HMGCS2: variants seen among roughly 807,000 people sequenced by gnomAD.
The protein encoded by HMGCS2 is 3-hydroxy-3-methylglutaryl-CoA synthase 2.
HMGCS2 carries 50 observed loss-of-function variants against 57.4 expected under a neutral mutation model. That is an observed-to-expected ratio of 0.87 (90% CI 0.69 to 1.10). The LOEUF (loss-of-function observed/expected upper bound fraction) is 1.10, where lower values mean the gene tolerates loss of function less well. Ranked by LOEUF, HMGCS2 falls within the 50% of genes least tolerant of loss-of-function variation. The pLI, the probability that HMGCS2 is intolerant of heterozygous loss-of-function variation, is 0.00. For missense variants in HMGCS2, 627 were observed against 636.5 expected, an observed-to-expected ratio of 0.99 and a Z score of 0.16; for synonymous variants, 254 against 245.1, an observed-to-expected ratio of 1.04 and a Z score of -0.34.
At chr1:119,759,720 C>A (rs1279182407) in intron 3 of HMGCS2, 144 bp downstream of exon 3, 14 of 971,364 alleles carry the variant, frequency 1.4e-5, no homozygotes, top group Non-Finnish European at 2.3e-5. Flanking sequence ...CCCTCTGCTC[C>A]ATAGACCAGC....
intron 1 of HMGCS2, among the ~76,000 whole-genome samples, chr1:119,767,009 G>A (rs1653253103): frequency 6.6e-6 from 1 of 152,058 alleles, no homozygotes; most frequent in Admixed American, 6.6e-5. Flanking sequence ...TCAAGAACAT[G>A]CACCACACCT....
At chr1:119,764,823 T>C (rs1220581750) in intron 1 of HMGCS2, among the ~76,000 whole-genome samples, 197 bp from the exon 2 acceptor site, 1 of 152,262 alleles carries the variant, frequency 6.6e-6, no homozygotes, top group Non-Finnish European at 1.5e-5. Context: ...TTCATCTTTG[T>C]GATATTCTTG....
intron 3 of HMGCS2, 179 bp from the exon 4 acceptor site, chr1:119,759,461 A>C: frequency 1.5e-6 from 1 of 679,762 alleles, no homozygotes; most frequent in Non-Finnish European, 2.6e-6. Flanking sequence ...TGGTATTACA[A>C]AAATGAGATG....
rs756625778 is a variant in HMGCS2 at position 119,757,373 on chromosome 1, T to C, written c.916A>G (p.Lys306Glu). Residue 306 changes from lysine to glutamate, a missense_variant, in exon 5 of 10, where the codon AAG (lysine) becomes GAG (glutamate). By Grantham distance (56) the Lys-to-Glu change is moderately conservative. Transcript: ENST00000369406. ...CGAGCCAGAGACTTCTGGACCATCT[T>C]GCAAAAGGGTGTATGAAAGATCATG... is the stretch of plus-strand genomic sequence containing the variant. Reference protein sequence around the residue: ...QYMIFHTPFCKMVQKSLARLM... With the variant: ...QYMIFHTPFCEMVQKSLARLM... 1 of 1,614,194 alleles carries C rather than the reference T, an allele frequency of 6.2e-7. No homozygotes were observed. The highest frequency in any genetic ancestry group is 8.5e-7 in the Non-Finnish European group (1 of 1,180,042).
chr1:119,764,338 A>G lies in HMGCS2; in HGVS notation c.393T>C (p.Thr131=), dbSNP rs587741129. ...CTTTGGACTTGTCAATGATGGTCTC[A>G]GTGCCTACTTCCAGCCTGCCCACAG... ...WDSVGRLEVG[T]ETIIDKSKAV... is the part of the protein sequence containing the mutation. Residue 131 remains threonine, a synonymous_variant, in exon 2 of 10, where the codon ACT becomes ACC. Coordinates refer to ENST00000369406, the MANE Select transcript of HMGCS2 (RefSeq NM_005518.4). 3 of 1,614,130 alleles carry G rather than the reference A, an allele frequency of 1.9e-6. No individual in the cohort carries two copies. Among genetic ancestry groups the G allele is most frequent in the East Asian group, 2.2e-5 (1 of 44,900 alleles).
chr1:119,764,113 G>T, intron 2 of HMGCS2, 59 bp downstream of exon 2: 2 of 1,508,132 alleles, frequency 1.3e-6, no homozygotes, highest in Non-Finnish European at 1.8e-6. Flanking sequence ...AGCAAAACTG[G>T]TAATATTCAG....
intron 6 of HMGCS2, among the ~76,000 whole-genome samples, chr1:119,754,208 C>G (rs183952201): frequency 6.6e-6 from 1 of 152,186 alleles, no homozygotes; most frequent in Non-Finnish European, 1.5e-5. Flanking sequence ...AGGCACGTAC[C>G]ACCATGCCCA....
intron 4 of HMGCS2, among the ~76,000 whole-genome samples, chr1:119,757,726 G>C (rs1652897988): frequency 6.6e-6 from 1 of 152,196 alleles, no homozygotes; most frequent in Admixed American, 6.5e-5. Context: ...TCATTTGCCA[G>C]AGGAGGAACC....
intron 4 of HMGCS2, among the ~76,000 whole-genome samples, chr1:119,758,094 G>C (rs904586565): frequency 6.6e-6 from 1 of 152,256 alleles, no homozygotes; most frequent in Non-Finnish European, 1.5e-5. Context: ...ACAAGAGGTA[G>C]CTCTTTATGA....
intron 4 of HMGCS2, 106 bp from the exon 5 acceptor site, chr1:119,757,544 C>A: frequency 6.3e-7 from 1 of 1,574,870 alleles, no homozygotes; most frequent in Admixed American, 1.8e-5. Flanking sequence ...TCCCAGGGAA[C>A]TACTTCCCAC....
rs748155656 is a variant in HMGCS2, at chr1:119,764,252, A to T, written c.479T>A (p.Ile160Lys). 6.2e-7 allele frequency: 1 copy of T among 1,614,208 alleles called. No homozygotes were observed. Among genetic ancestry groups the T allele is most frequent in the Non-Finnish European group, 8.5e-7 (1 of 1,180,036 alleles). Residue 160 changes from isoleucine to lysine, a missense_variant, in exon 2 of 10, where the codon ATA becomes AAA. Coordinates refer to ENST00000369406, the MANE Select transcript of HMGCS2 (RefSeq NM_005518.4). ...QDSGNTDIEG[I>K]DTTNACYGGT... ...ACCGTAGCAGGCATTGGTGGTATCT[A>T]TGCCCTCAATATCAGTATTGCCTGA...
chr1:119,764,699 A>G lies in HMGCS2; in HGVS notation c.105-73T>C, dbSNP rs914679650. On this transcript the variant is annotated intron_variant, in intron 1 of 9. Transcript: ENST00000369406. ...TTTCCTCAAAAGACAGTAACATAGCAATCATTTAATTAATTTTCTATATTT... is the reference window on the plus strand; with the variant it reads ...TTTCCTCAAAAGACAGTAACATAGCGATCATTTAATTAATTTTCTATATTT... 16 of 1,058,740 alleles carry G rather than the reference A, an allele frequency of 1.5e-5. No homozygotes were observed. The African/African-American group carries it at 2.2e-4, about 15-fold the overall frequency. 65.6% of individuals were successfully genotyped at this position (1,058,740 alleles called of 1,614,324 possible).
Position 119,753,411 on chromosome 1 carries a change from AC to A in HMGCS2, c.1188-26del, listed in dbSNP as rs767212029. 61 of 110,434 alleles carry A rather than the reference AC, an allele frequency of 5.5e-4. No homozygotes were observed. In the African/African-American group the frequency reaches 5.7e-3, roughly 10 times the overall value. The allele number at this position is 110,434 out of a possible 1,614,324, so 6.8% of individuals were successfully genotyped here. On this transcript the variant is annotated intron_variant, in intron 6 of 9. Coordinates refer to ENST00000369406, the MANE Select transcript of HMGCS2 (RefSeq NM_005518.4). ...GCTGTGGGGAAAGAAATCAAATAAA[AC>A]ACACACACACACACACACACACACA... is the stretch of plus-strand genomic sequence containing the variant.
At chr1:119,764,111 T>C in intron 2 of HMGCS2, 61 bp downstream of exon 2, 1 of 1,496,760 alleles carries the variant, frequency 6.7e-7, no homozygotes. Context: ...AAAGCAAAAC[T>C]GGTAATATTC....
intron 5 of HMGCS2, 37 bp from the exon 6 acceptor site, chr1:119,755,634 G>A (rs1352883081): frequency 1.2e-6 from 2 of 1,605,356 alleles, no homozygotes; most frequent in East Asian, 4.5e-5. Flanking sequence ...TGAGAGGCCA[G>A]GGGACGGGAG....
Position 119,762,269 on chromosome 1 carries a change from T to C in HMGCS2, c.559+1903A>G, listed in dbSNP as rs587732167. Among the ~76,000 whole-genome samples the C allele has an allele frequency of 2.0e-5, 3 of 152,334 alleles. No homozygotes were observed. The East Asian group carries it at 5.8e-4, about 29-fold the overall frequency. On this transcript the variant is annotated intron_variant, in intron 2 of 9. Coordinates refer to ENST00000369406, the MANE Select transcript of HMGCS2 (RefSeq NM_005518.4). ...GGAATATTTTGTACAATGTTTAAAA[T>C]GGAATAGATATGTGTATACTTGCAG...
intron 2 of HMGCS2, among the ~76,000 whole-genome samples, chr1:119,762,077 A>G (rs1653063831): frequency 6.6e-6 from 1 of 152,224 alleles, no homozygotes; most frequent in African/African-American, 2.4e-5. Context: ...CTATTGTACA[A>G]TGTTCATTAA....
intron 9 of HMGCS2, among the ~76,000 whole-genome samples, 199 bp from the exon 10 acceptor site, chr1:119,749,040 T>A (rs1652552263): frequency 1.3e-5 from 2 of 152,084 alleles, no homozygotes; most frequent in East Asian, 1.9e-4. Context: ...AGGCTGGGGG[T>A]AGGCAGGGTC....
At chr1:119,760,043 G>C in intron 2 of HMGCS2, 54 bp from the exon 3 acceptor site, 1 of 1,514,950 alleles carries the variant, frequency 6.6e-7, no homozygotes, top group Middle Eastern at 1.7e-4. Context: ...AGAGTAGACT[G>C]AGTGCCTACT....
Sources: allele counts gnomAD v4.1 joint callset (sites outside exome capture counted in the v4.1 genomes callset), GRCh38; gene constraint gnomAD v4.1.1; transcripts MANE v1.5; gene names NCBI Gene and HGNC (gene_info 2026-07-23, HGNC 2026-07-21).